Variants in MACF1 observed in about 807,000 individuals in gnomAD.
MACF1 encodes microtubule-actin cross-linking factor 1.
Under a neutral mutation model 854.8 loss-of-function variants are expected in MACF1, and 193 were observed. The observed-to-expected ratio is 0.23, with a 90% confidence interval of 0.20 to 0.25. The LOEUF (loss-of-function observed/expected upper bound fraction) is 0.25, where lower values mean the gene tolerates loss of function less well. Among genes scored for constraint, MACF1 ranks in the 10% least tolerant of loss-of-function variants. The probability of loss-of-function intolerance (pLI) is 1.00; values close to 1 mark genes in which losing one functional copy is unlikely to be tolerated. For synonymous variants in MACF1, 3,185 were observed against 3,226.7 expected (o/e 0.99, Z 0.44); for missense variants, 7,722 against 8,929.1 (o/e 0.86, Z 5.45).
intron 89 of MACF1, chr1:39,457,851 G>T (rs1485454284): frequency 6.5e-6 from 1 of 152,844 alleles, no homozygotes; most frequent in African/African-American, 2.4e-5. Flanking sequence ...CTGAGACTGG[G>T]TAATTTATAA....
intron 6 of MACF1, among the ~76,000 whole-genome samples, chr1:39,277,481 A>G (rs1318453430): frequency 6.6e-6 from 1 of 152,238 alleles, no homozygotes; most frequent in African/African-American, 2.4e-5. Context: ...TTGGGTATTC[A>G]GGAGGACTAC....
At chr1:39,373,046 C>A (rs991694089) in intron 52 of MACF1, 1 of 181,528 alleles carries the variant, frequency 5.5e-6, no homozygotes, top group Non-Finnish European at 1.1e-5. Context: ...GCAGCTCACA[C>A]CTGTAATCCC....
intron 6 of MACF1, among the ~76,000 whole-genome samples, chr1:39,277,043 A>G (rs1305774256): frequency 6.6e-6 from 1 of 152,176 alleles, no homozygotes; most frequent in Non-Finnish European, 1.5e-5. Flanking sequence ...AAGTGTTGAA[A>G]GTAATTGTAT....
At chr1:39,113,636 CA>C (rs998400346) in intron 2 of MACF1, among the ~76,000 whole-genome samples, 15 of 152,106 alleles carry the variant, frequency 9.9e-5, no homozygotes, top group Non-Finnish European at 2.2e-4. Flanking sequence ...CAATTTTAAA[CA>C]GAGAAAAATA....
chr1:39,417,647 A>G (rs60938558), intron 58 of MACF1, among the ~76,000 whole-genome samples: 3,003 of 150,430 alleles, frequency 0.02, 113 homozygotes, highest in African/African-American at 0.07. Flanking sequence ...CCCGGGTTCA[A>G]GCAATTCTCC....
intron 49 of MACF1, among the ~76,000 whole-genome samples, chr1:39,365,553 G>A (rs1648626892): frequency 6.6e-6 from 1 of 152,136 alleles, no homozygotes; most frequent in Non-Finnish European, 1.5e-5. Flanking sequence ...CTGGTCCCAA[G>A]CATAAAGGAT....
rs753513820 is a variant in MACF1 at position 39,387,850 on chromosome 1, G to A, written c.15008G>A (p.Gly5003Glu). Residue 5003 changes from glycine to glutamate, a missense_variant, in exon 58 of 101, where the codon GGG (glycine) becomes GAG (glutamate). Physicochemically the swap from Gly to Glu is moderately conservative, Grantham distance 98. This residue lies in a region of MACF1 where 2,807 missense variants were observed against 3,235.8 expected (regional missense o/e 0.87). Coordinates refer to ENST00000564288, the MANE Select transcript of MACF1 (RefSeq NM_001394062.1). ...AVTEELQAKT[G>E]SLEEMTQRLR... Reference sequence around the variant, plus strand: ...ACAGAAGAGCTGCAGGCCAAAACAGGGTCACTCGAAGAAATGACTCAGAGG... The same window carrying A: ...ACAGAAGAGCTGCAGGCCAAAACAGAGTCACTCGAAGAAATGACTCAGAGG... The A allele has an allele frequency of 6.2e-7, 1 of 1,613,946 alleles. No individual in the cohort carries two copies. Among genetic ancestry groups the A allele is most frequent in the Non-Finnish European group, 8.5e-7 (1 of 1,180,006 alleles).
intron 15 of MACF1, among the ~76,000 whole-genome samples, chr1:39,290,613 T>A (rs1418756384): frequency 4.4e-5 from 5 of 114,550 alleles, no homozygotes; most frequent in East Asian, 2.5e-4. Context: ...TTTTTTTTTT[T>A]ATTCTCTCAT....
chr1:39,415,917 C>G (rs1184243202), intron 58 of MACF1, among the ~76,000 whole-genome samples: 1 of 152,166 alleles, frequency 6.6e-6, no homozygotes, highest in Non-Finnish European at 1.5e-5. Context: ...TTCTTCATAG[C>G]AGGCATTTGC....
chr1:39,376,686 G>A (rs1388210079), intron 52 of MACF1, among the ~76,000 whole-genome samples: 1 of 152,040 alleles, frequency 6.6e-6, no homozygotes, highest in South Asian at 2.1e-4. Flanking sequence ...ACATTTAAAA[G>A]TTTTATAATC....
At chr1:39,366,165 C>T (rs971682801) in intron 49 of MACF1, among the ~76,000 whole-genome samples, 2 of 152,110 alleles carry the variant, frequency 1.3e-5, no homozygotes, top group Non-Finnish European at 2.9e-5. Context: ...TTAGGAATCA[C>T]CTTCATTAGT....
At chr1:39,250,559 C>A (rs1295041849) in intron 3 of MACF1, among the ~76,000 whole-genome samples, 1 of 152,066 alleles carries the variant, frequency 6.6e-6, no homozygotes, top group African/African-American at 2.4e-5. Flanking sequence ...CATTTAAAAG[C>A]CCAGGTGTAT....
At chr1:39,169,773 CTTTTTTTTTTT>C (rs11335031) in intron 2 of MACF1, among the ~76,000 whole-genome samples, 1 of 97,498 alleles carries the variant, frequency 1.0e-5, no homozygotes, top group Non-Finnish European at 2.0e-5. Context: ...TTCTTTCTTT[CTTTTTTTTTTT>C]TTTTTTGAGA....
chr1:39,104,985 C>G (rs962019283), intron 2 of MACF1, among the ~76,000 whole-genome samples: 4 of 152,216 alleles, frequency 2.6e-5, no homozygotes, highest in Non-Finnish European at 4.4e-5. Flanking sequence ...GAGAAACCCT[C>G]CTTTGTCCCG....
intron 97 of MACF1, among the ~76,000 whole-genome samples, chr1:39,472,252 A>T (rs1458742036): frequency 6.6e-6 from 1 of 152,188 alleles, no homozygotes. Flanking sequence ...ATTTGAATCA[A>T]TGTAAATATT....
intron 19 of MACF1, 70 bp downstream of exon 19, chr1:39,295,220 G>T: frequency 1.5e-6 from 2 of 1,308,364 alleles, no homozygotes; most frequent in South Asian, 1.2e-5. Flanking sequence ...TCAAATTAGA[G>T]ACTTTGTTCC....
At chr1:39,450,044 A>G (rs1248351561) in intron 84 of MACF1, among the ~76,000 whole-genome samples, 4 of 151,656 alleles carry the variant, frequency 2.6e-5, no homozygotes, top group Admixed American at 1.3e-4. Flanking sequence ...TAATATTTTT[A>G]TTAGAGACGG....
Position 39,332,869 on chromosome 1 carries a change from C to G in MACF1, c.6281C>G (p.Ala2094Gly). 1 of 1,614,074 alleles carries G rather than the reference C, an allele frequency of 6.2e-7. No homozygotes were observed. The highest frequency in any genetic ancestry group is 8.5e-7 in the Non-Finnish European group (1 of 1,179,994). ...AAAGAGAGAAATCCAAACATTGATG[C>G]TTTGAAGGTAATAAATAAAGTCAAA... ...EQKERNPNID[A>G]LKVINKVKLE... The change falls in exon 37 of 101, where the codon GCT becomes GGT. Residue 2094 changes from alanine (A) to glycine (G), a missense_variant. Around this residue, in one of 15 missense-constraint regions of MACF1, gnomAD observed 1,531 missense variants for 1,601.6 expected, o/e 0.96. Transcript: ENST00000564288.
intron 49 of MACF1, 58 bp downstream of exon 49, chr1:39,361,735 C>A: frequency 6.4e-7 from 1 of 1,550,458 alleles, no homozygotes; most frequent in Non-Finnish European, 8.9e-7. Flanking sequence ...AGGGAGAGAA[C>A]CAGCATTTGC....
Sources: gnomAD v4.1 joint callset for allele counts (sites outside exome capture counted in the v4.1 genomes callset) on GRCh38, gnomAD v4.1.1 for gene constraint, gnomAD v4.1.1 regional missense constraint, MANE v1.5 for transcripts, NCBI Gene and HGNC (gene_info 2026-07-23, HGNC 2026-07-21) for gene names.